PTBP3: variants seen among roughly 807,000 people sequenced by gnomAD.
PTBP3 encodes polypyrimidine tract binding protein 3.
In PTBP3, 20 loss-of-function variants were observed where a neutral mutation model predicts 58.7. That is an observed-to-expected ratio of 0.34 (90% CI 0.24 to 0.50). The LOEUF (loss-of-function observed/expected upper bound fraction) is 0.50. PTBP3 is among the 20% of genes least tolerant of loss of function. The pLI is 0.98. For missense variants in PTBP3, 509 were observed against 637.2 expected (o/e 0.80, Z 2.17); for synonymous variants, 185 against 219.8 (o/e 0.84, Z 1.40).
At chr9:112,334,909 G>C (rs1246620066), upstream of PTBP3, among the ~76,000 whole-genome samples, 1 of 152,176 alleles carries the variant, frequency 6.6e-6, no homozygotes, top group African/African-American at 2.4e-5. Context: ...AATTCTTAAA[G>C]TCCTGTATCT....
rs575465792 is a variant in PTBP3, at chr9:112,328,340, A to G, written c.-52+5130T>C. ...AATCTTAGAGAAATTTCTCCAGATAATGCATAATTTTACATTCCCAGATCT... is the reference window on the plus strand; with the variant it reads ...AATCTTAGAGAAATTTCTCCAGATAGTGCATAATTTTACATTCCCAGATCT... On this transcript the variant is annotated intron_variant, in intron 1 of 13. Coordinates refer to ENST00000374257, the MANE Select transcript of PTBP3 (RefSeq NM_001163788.4). Among the ~76,000 whole-genome samples, 340 of 152,348 alleles carry G rather than the reference A, an allele frequency of 2.2e-3. 1 individual carries two copies. The highest frequency in any genetic ancestry group is 7.9e-3 in the African/African-American group (328 of 41,586).
At chr9:112,310,796 C>G (rs547674818) in intron 1 of PTBP3, among the ~76,000 whole-genome samples, 23 of 152,224 alleles carry the variant, frequency 1.5e-4, no homozygotes, top group Non-Finnish European at 2.9e-4. Context: ...GGCATTTAAC[C>G]AAAGTCTTAC....
intron 1 of PTBP3, among the ~76,000 whole-genome samples, chr9:112,317,948 AAAAC>A (rs755291073): frequency 3.3e-4 from 51 of 152,322 alleles, no homozygotes; most frequent in Middle Eastern, 3.4e-3. Flanking sequence ...AAAACAACAA[AAAAC>A]AAACAAACAA....
the PTBP3 span, among the ~76,000 whole-genome samples, chr9:112,374,168 C>T: frequency 6.6e-6 from 1 of 152,072 alleles, no homozygotes; most frequent in African/African-American, 2.4e-5. Flanking sequence ...CTTGATAATC[C>T]GGGTCAATCA....
At chr9:112,235,984 A>C (rs1044623848) in intron 7 of PTBP3, among the ~76,000 whole-genome samples, 2 of 152,112 alleles carry the variant, frequency 1.3e-5, no homozygotes, top group African/African-American at 4.8e-5. Context: ...AAAAAGGTAA[A>C]ACAACAGTAT....
Position 112,223,455 on chromosome 9 carries a change from T to C in PTBP3, c.*396A>G, listed in dbSNP as rs1449480799. The C allele has an allele frequency of 2.2e-6, 2 of 915,334 alleles. No homozygotes were observed. The highest frequency in any genetic ancestry group is 1.8e-5 in the African/African-American group (1 of 55,400). 56.7% of individuals were successfully genotyped at this position (915,334 alleles called of 1,614,324 possible). The stretch of plus-strand genomic sequence containing the variant: ...ATTTAAATTACTTACATCAAGTAAT[T>C]TTAGAAGTCTGTGTTTAAATTTTTT... On this transcript the variant is annotated 3_prime_UTR_variant, in exon 14 of 14. Coordinates refer to ENST00000374257, the MANE Select transcript of PTBP3 (RefSeq NM_001163788.4).
intron 1 of PTBP3, among the ~76,000 whole-genome samples, chr9:112,332,573 A>C (rs886896317): frequency 1.3e-5 from 2 of 152,168 alleles, no homozygotes; most frequent in African/African-American, 4.8e-5. Context: ...AGGTACAGAT[A>C]CTACAACCTT....
Position 112,250,973 on chromosome 9 carries a change from C to T in PTBP3, c.758G>A (p.Gly253Asp). 6.2e-7 allele frequency: 1 copy of T among 1,609,664 alleles called. No homozygotes were observed. Among genetic ancestry groups the T allele is most frequent in the Middle Eastern group, 1.7e-4 (1 of 6,058 alleles). The change falls in exon 7 of 14, where the codon GGT becomes GAT. Residue 253 changes from glycine to aspartate, a missense_variant. By Grantham distance (94) the Gly-to-Asp change is moderately conservative. Transcript: ENST00000374257. ...GGGTTCAAGGGATGGCTGGCCATCA[C>T]CAGTAGGAAGGTCTAAGCGAGTGAA... is the stretch of plus-strand genomic sequence containing the variant. ...RDFTRLDLPT[G>D]DGQPSLEPPM...
intron 1 of PTBP3, chr9:112,333,026 C>A (rs2132504840): frequency 1.6e-6 from 2 of 1,273,928 alleles, no homozygotes; most frequent in East Asian, 6.3e-5. Context: ...CGCCCCACCT[C>A]GCCGGTAAAC....
Position 112,227,412 on chromosome 9 carries a change from G to A in PTBP3, c.1363C>T (p.Pro455Ser). 3 of 1,612,424 alleles carry A rather than the reference G, an allele frequency of 1.9e-6. No homozygotes were observed. Among genetic ancestry groups the A allele is most frequent in the Non-Finnish European group, 2.5e-6 (3 of 1,178,514 alleles). The part of the protein sequence containing the change: ...PSATLHLSNI[P>S]PSVTVDDLKN... ...ATTAATAACTTATTAGGTACATACG[G>A]AATGTTGGAAAGATGCAGAGTGGCT... Residue 455 changes from proline to serine, a missense_variant and splice_region_variant, in exon 12 of 14, where the codon CCC becomes TCC. By Grantham distance (74) the Pro-to-Ser change is moderately conservative. This residue lies in a region of PTBP3 where 135 missense variants were observed against 229.0 expected (regional missense o/e 0.59). Transcript: ENST00000374257.
intron 1 of PTBP3, among the ~76,000 whole-genome samples, chr9:112,311,622 C>CTAGGGA: frequency 6.6e-6 from 1 of 152,032 alleles, no homozygotes; most frequent in Non-Finnish European, 1.5e-5. Context: ...GATTTTGGCC[C>CTAGGGA]CCCCTAGATA....
intron 2 of PTBP3, among the ~76,000 whole-genome samples, chr9:112,279,321 A>C (rs568553452): frequency 2.0e-5 from 3 of 152,348 alleles, no homozygotes; most frequent in African/African-American, 7.2e-5. Flanking sequence ...TATTTTACTA[A>C]ACTATACATT....
At chr9:112,294,307 A>C (rs142418871) in intron 2 of PTBP3, among the ~76,000 whole-genome samples, 187 of 152,270 alleles carry the variant, frequency 1.2e-3, no homozygotes, top group African/African-American at 4.4e-3. Context: ...GATTGAGCCC[A>C]GGAGTTTGAG....
intron 4 of PTBP3, among the ~76,000 whole-genome samples, chr9:112,267,419 G>A (rs1043643076): frequency 1.3e-4 from 19 of 151,856 alleles, no homozygotes; most frequent in African/African-American, 4.1e-4. Flanking sequence ...CACCCGCCTC[G>A]GCCTCCCAAA....
chr9:112,330,310 T>C (rs1830316646), intron 1 of PTBP3: 2 of 655,176 alleles, frequency 3.1e-6, no homozygotes, highest in East Asian at 3.1e-5. Context: ...ACCTCAGGTC[T>C]ACTTATTTTG....
intron 7 of PTBP3, among the ~76,000 whole-genome samples, chr9:112,250,295 A>G (rs1007454136): frequency 3.0e-4 from 46 of 152,176 alleles, no homozygotes; most frequent in African/African-American, 1.1e-3. Context: ...AGTAGCATAT[A>G]CTAACCTAAT....
chr9:112,256,719 C>T (rs1450036316), intron 5 of PTBP3, among the ~76,000 whole-genome samples: 1 of 151,946 alleles, frequency 6.6e-6, no homozygotes, highest in Non-Finnish European at 1.5e-5. Flanking sequence ...GATGGGGTCT[C>T]GCTACCTTAC....
intron 3 of PTBP3, among the ~76,000 whole-genome samples, chr9:112,275,625 G>GA (rs1827576204): frequency 6.6e-6 from 1 of 151,940 alleles, no homozygotes; most frequent in Non-Finnish European, 1.5e-5. Flanking sequence ...GTCTTAAGAA[G>GA]AAAAAACATA....
In PTBP3 at chr9:112,239,864, AG is replaced by A. The variant is rs1418847149; in HGVS notation, c.803-4968del. ...GAGGGAGGGAGGGAGGGAGGGAGGG[AG>A]GGAGGGAGGGAGGGAGGCAAGGAAG... On this transcript the variant is annotated intron_variant, in intron 7 of 13. Coordinates refer to ENST00000374257, the MANE Select transcript of PTBP3 (RefSeq NM_001163788.4). Among the ~76,000 whole-genome samples the A allele has an allele frequency of 5.4e-3, 116 of 21,394 alleles. 3 individuals are homozygous for A. Among genetic ancestry groups the A allele is most frequent in the African/African-American group, 0.018 (94 of 5,264 alleles). The allele number at this position is 21,394 out of a possible 152,430, so 14.0% of individuals were successfully genotyped here. A position where few individuals can be genotyped will look rare whatever the true frequency, so the allele number is the denominator to read the frequency against.
Sources: allele counts gnomAD v4.1 joint callset (sites outside exome capture counted in the v4.1 genomes callset), GRCh38; gene constraint gnomAD v4.1.1; regional missense constraint gnomAD v4.1.1; transcripts MANE v1.5; gene names NCBI Gene and HGNC (gene_info 2026-07-23, HGNC 2026-07-21).